Variants in RBM33 observed in about 807,000 individuals in gnomAD.
RBM33 encodes RNA binding motif protein 33.
Under a neutral mutation model 132.6 loss-of-function variants are expected in RBM33, and 28 were observed. The ratio of observed to expected loss-of-function variants is 0.21; its 90% confidence interval spans 0.16 to 0.29. The LOEUF (loss-of-function observed/expected upper bound fraction) is 0.29, where lower values mean the gene tolerates loss of function less well. Among genes scored for constraint, RBM33 ranks in the 10% least tolerant of loss-of-function variants. The pLI is 1.00. For synonymous variants in RBM33, 634 were observed against 593.0 expected (o/e 1.07, Z -1.01); for missense variants, 1,291 against 1,518.5 (o/e 0.85, Z 2.49).
chr7:155,707,742 C>T (rs1800157210), intron 7 of RBM33, among the ~76,000 whole-genome samples: 2 of 152,184 alleles, frequency 1.3e-5, no homozygotes, highest in African/African-American at 4.8e-5. Context: ...CTGCAACCTA[C>T]ACCTCCTGGG....
At chr7:155,701,007 C>T (rs1346843659) in intron 6 of RBM33, 63 bp downstream of exon 6, 6 of 1,379,118 alleles carry the variant, frequency 4.4e-6, no homozygotes, top group Non-Finnish European at 5.1e-6. Context: ...CATAGTATTG[C>T]TGTAATTAAT....
At chr7:155,725,321 G>C (rs942395872) in intron 9 of RBM33, among the ~76,000 whole-genome samples, 90 of 150,080 alleles carry the variant, frequency 6.0e-4, no homozygotes, top group African/African-American at 2.1e-3. Context: ...AGTGTGTTCA[G>C]CCTGTGGAGC....
chr7:155,683,313 C>T (rs1407203452), intron 5 of RBM33, among the ~76,000 whole-genome samples: 1 of 152,102 alleles, frequency 6.6e-6, no homozygotes, highest in South Asian at 2.1e-4. Flanking sequence ...CACTGAAGCC[C>T]AGATGATTTA....
chr7:155,715,187 C>T (rs1800424808), intron 8 of RBM33, among the ~76,000 whole-genome samples: 3 of 152,130 alleles, frequency 2.0e-5, no homozygotes, highest in Non-Finnish European at 2.9e-5. Context: ...CATGAACACA[C>T]GCATACTTGA....
chr7:155,757,682 C>CT (rs1416305747), intron 14 of RBM33, among the ~76,000 whole-genome samples: 1 of 152,080 alleles, frequency 6.6e-6, no homozygotes, highest in Non-Finnish European at 1.5e-5. Context: ...AGTTCTTGCA[C>CT]TGCTATAAAG....
At chr7:155,741,769 T>G (rs1801343927) in intron 12 of RBM33, 50 bp from the exon 13 acceptor site, 2 of 1,532,512 alleles carry the variant, frequency 1.3e-6, no homozygotes, top group African/African-American at 1.4e-5. Context: ...TTAATGTTCC[T>G]TCTGCCAAGT....
chr7:155,677,769 TAAG>T, intron 3 of RBM33, among the ~76,000 whole-genome samples: 1 of 152,354 alleles, frequency 6.6e-6, no homozygotes, highest in East Asian at 1.9e-4. Context: ...TGTTCACCTT[TAAG>T]AAGAAAAGCA....
At chr7:155,698,218 T>C (rs1799853197) in intron 5 of RBM33, among the ~76,000 whole-genome samples, 1 of 151,996 alleles carries the variant, frequency 6.6e-6, no homozygotes, top group Non-Finnish European at 1.5e-5. Flanking sequence ...AATACAAAAA[T>C]TAGCCTGGCG....
intron 1 of RBM33, among the ~76,000 whole-genome samples, chr7:155,652,705 C>T (rs890788594): frequency 3.9e-5 from 6 of 152,074 alleles, no homozygotes; most frequent in African/African-American, 1.4e-4. Flanking sequence ...GGAGATTTTC[C>T]AGGTAAGGAG....
chr7:155,705,111 C>T (rs1005319617), intron 6 of RBM33, among the ~76,000 whole-genome samples: 2 of 152,118 alleles, frequency 1.3e-5, no homozygotes, highest in South Asian at 4.1e-4. Context: ...AACTTTGTTA[C>T]ATTGAGGTAT....
intron 5 of RBM33, among the ~76,000 whole-genome samples, chr7:155,692,069 A>AT (rs905735973): frequency 8.0e-5 from 12 of 150,032 alleles, no homozygotes; most frequent in Admixed American, 1.3e-4. Context: ...AAAAAAGAAA[A>AT]TTTTTTTTTT....
intron 4 of RBM33, 55 bp from the exon 5 acceptor site, chr7:155,680,535 G>T: frequency 8.0e-7 from 1 of 1,247,890 alleles, no homozygotes; most frequent in Non-Finnish European, 1.1e-6. Flanking sequence ...TAATGATTTA[G>T]TTTGAGCTCC....
intron 8 of RBM33, among the ~76,000 whole-genome samples, chr7:155,714,185 C>T (rs1035047094): frequency 1.3e-5 from 2 of 152,078 alleles, no homozygotes; most frequent in Non-Finnish European, 2.9e-5. Flanking sequence ...CGCTCATCTG[C>T]GCACACTAGG....
chr7:155,665,460 C>T (rs1376313354), intron 2 of RBM33, among the ~76,000 whole-genome samples: 1 of 152,226 alleles, frequency 6.6e-6, no homozygotes, highest in Non-Finnish European at 1.5e-5. Context: ...GTGTGGAGGG[C>T]TGCCAATAGA....
chr7:155,773,115 G>C (rs2117085678), intron 16 of RBM33, among the ~76,000 whole-genome samples: 1 of 152,292 alleles, frequency 6.6e-6, no homozygotes, highest in African/African-American at 2.4e-5. Context: ...ATCATGTGCT[G>C]GTAGTTAGTT....
At chr7:155,722,906 C>T (rs923308587) in intron 9 of RBM33, among the ~76,000 whole-genome samples, 4 of 152,118 alleles carry the variant, frequency 2.6e-5, no homozygotes, top group African/African-American at 7.2e-5. Context: ...TTCAGTTAGC[C>T]GTTAAATACC....
chr7:155,703,490 G>A (rs960253908), intron 6 of RBM33, among the ~76,000 whole-genome samples: 8 of 152,172 alleles, frequency 5.3e-5, no homozygotes, highest in African/African-American at 1.9e-4. Flanking sequence ...TTGGCAAGAT[G>A]ATAGGGCAGG....
At chr7:155,738,509 T>A in intron 11 of RBM33, 106 bp downstream of exon 11, 1 of 1,117,128 alleles carries the variant, frequency 9.0e-7, no homozygotes, top group Non-Finnish European at 1.2e-6. Flanking sequence ...TGTGGTTATT[T>A]AAAGAATAGA....
intron 14 of RBM33, chr7:155,746,657 T>C (rs914355775): frequency 1.3e-5 from 2 of 152,200 alleles, no homozygotes; most frequent in African/African-American, 2.4e-5. Flanking sequence ...TATAGTCTTA[T>C]TAGTTGTGGT....
Sources: allele counts gnomAD v4.1 joint callset (sites outside exome capture counted in the v4.1 genomes callset), GRCh38; gene constraint gnomAD v4.1.1; transcripts MANE v1.5; gene names NCBI Gene and HGNC (gene_info 2026-07-23, HGNC 2026-07-21).